The following ST8SIA1 variants were observed in gnomAD, a reference collection of about 807,000 sequenced individuals.
The protein encoded by ST8SIA1 is ST8 alpha-N-acetyl-neuraminide alpha-2,8-sialyltransferase 1, also known as alpha-N-acetylneuraminide alpha-2,8-sialyltransferase.
In ST8SIA1, 16 loss-of-function variants were observed where a neutral mutation model predicts 35.9. The ratio of observed to expected loss-of-function variants is 0.45; its 90% CI spans 0.30 to 0.68. The LOEUF is 0.68. Ranked by LOEUF, ST8SIA1 falls within the 30% of genes least tolerant of loss-of-function variation. ST8SIA1 has a pLI of 0.09. For synonymous variants in ST8SIA1, 170 were observed against 169.6 expected (o/e 1.00, Z -0.02); for missense variants, 383 against 453.6 (o/e 0.84, Z 1.41).
chr12:22,294,372 T>G (rs1250275488), intron 1 of ST8SIA1, among the ~76,000 whole-genome samples: 2 of 152,286 alleles, frequency 1.3e-5, no homozygotes, highest in South Asian at 4.1e-4. Flanking sequence ...AAATACACAC[T>G]CCATATAGAG....
Position 22,249,502 on chromosome 12 carries a change from G to C in ST8SIA1, c.492-404C>G, listed in dbSNP as rs564374301. On this transcript the variant is annotated intron_variant, in intron 3 of 4. Coordinates refer to ENST00000396037, the MANE Select transcript of ST8SIA1 (RefSeq NM_003034.4). Reference sequence around the variant, plus strand: ...CCCAAAGTACTGGGATTACAGGCGTGAGCCACTGCACCCAGCCAGTAACTG... The same window carrying C: ...CCCAAAGTACTGGGATTACAGGCGTCAGCCACTGCACCCAGCCAGTAACTG... Among the ~76,000 whole-genome samples, 14 of 152,260 alleles carry C rather than the reference G, an allele frequency of 9.2e-5. No homozygotes were observed. The South Asian group carries it at 2.9e-3, about 32-fold the overall frequency.
chr12:22,201,521 C>T lies in ST8SIA1; in HGVS notation c.*31G>A. 1 of 1,557,456 alleles carries T rather than the reference C, an allele frequency of 6.4e-7. No individual in the cohort carries two copies. The highest frequency in any genetic ancestry group is 8.7e-7 in the Non-Finnish European group (1 of 1,155,644). ...CACATAGAAAACCTAACAAAAATAC[C>T]CTGGTTCAGTCCTTTCTTCTTCCAT... On this transcript the variant is annotated 3_prime_UTR_variant, in exon 5 of 5. Coordinates refer to ENST00000396037, the MANE Select transcript of ST8SIA1 (RefSeq NM_003034.4).
rs1591858819 is a variant in ST8SIA1, at chr12:22,325,243, C to T, written c.236+8754G>A. ...ATGTTTATTTTATCAATAATGGAAA[C>T]AAACTAAAGATTTTGCATCCCAGGC... On this transcript the variant is annotated intron_variant, in intron 1 of 4. Transcript: ENST00000396037. 9.2e-6 allele frequency: 5 copies of T among 542,746 alleles called. No homozygotes were observed. In the East Asian group the frequency reaches 1.5e-4, roughly 16 times the overall value. 33.6% of individuals were successfully genotyped at this position (542,746 alleles called of 1,614,324 possible).
intron 4 of ST8SIA1, among the ~76,000 whole-genome samples, chr12:22,228,905 T>G (rs1865385540): frequency 6.6e-6 from 1 of 151,748 alleles, no homozygotes; most frequent in South Asian, 2.1e-4. Context: ...AATACAAAAA[T>G]TAGCTGGGCA....
chr12:22,289,288 G>GTTA (rs895274780), intron 1 of ST8SIA1, among the ~76,000 whole-genome samples: 22 of 134,004 alleles, frequency 1.6e-4, no homozygotes, highest in African/African-American at 6.3e-4. Flanking sequence ...TAAGGGTATG[G>GTTA]TTATTATTAT....
intron 2 of ST8SIA1, among the ~76,000 whole-genome samples, chr12:22,274,159 T>C (rs1165828869): frequency 6.6e-6 from 1 of 152,176 alleles, no homozygotes; most frequent in African/African-American, 2.4e-5. Flanking sequence ...AGAAGCAACA[T>C]TGTGGAAATT....
chr12:22,248,361 T>C (rs1865628246), intron 4 of ST8SIA1, among the ~76,000 whole-genome samples: 1 of 152,108 alleles, frequency 6.6e-6, no homozygotes, highest in African/African-American at 2.4e-5. Context: ...AAACAGCTGA[T>C]AGCTCGCTGA....
At chr12:22,261,150 ATTTG>A (rs1194664633) in intron 2 of ST8SIA1, among the ~76,000 whole-genome samples, 2 of 147,444 alleles carry the variant, frequency 1.4e-5, no homozygotes, top group Admixed American at 6.7e-5. Context: ...TTGAGGGTGT[ATTTG>A]TTTGTTTTGA....
At chr12:22,268,257 T>C (rs1359893296) in intron 2 of ST8SIA1, among the ~76,000 whole-genome samples, 1 of 152,010 alleles carries the variant, frequency 6.6e-6, no homozygotes, top group Non-Finnish European at 1.5e-5. Context: ...GACAGAAAGG[T>C]TAAGGAAATT....
chr12:22,325,623 T>C (rs1866665482), intron 1 of ST8SIA1: 4 of 623,950 alleles, frequency 6.4e-6, no homozygotes, highest in Admixed American at 2.7e-5. Context: ...GAGGATACAT[T>C]CCAAGACCCC....
At chr12:22,223,000 G>A (rs976383684) in intron 4 of ST8SIA1, among the ~76,000 whole-genome samples, 2 of 152,056 alleles carry the variant, frequency 1.3e-5, no homozygotes, top group African/African-American at 4.8e-5. Context: ...CTAAAACAGC[G>A]AAAGAAACAG....
intron 4 of ST8SIA1, among the ~76,000 whole-genome samples, chr12:22,215,677 T>C (rs1040690853): frequency 1.3e-5 from 2 of 152,208 alleles, no homozygotes; most frequent in Non-Finnish European, 2.9e-5. Flanking sequence ...CATGAAAAGA[T>C]TGCACAACCA....
At chr12:22,264,889 T>C (rs980590466) in intron 2 of ST8SIA1, among the ~76,000 whole-genome samples, 2 of 152,252 alleles carry the variant, frequency 1.3e-5, no homozygotes, top group Non-Finnish European at 2.9e-5. Flanking sequence ...CTACACAGGA[T>C]GCTTCTTTGG....
rs1396492067 is a variant in ST8SIA1, at chr12:22,280,976, G to A, written c.381+6173C>T. On this transcript the variant is annotated intron_variant, in intron 2 of 4. Transcript: ENST00000396037. The stretch of plus-strand genomic sequence containing the variant: ...TGAAACAAAGACTGTAACATTCTCT[G>A]TTACTACTTTATGTTTCCCGAAATC... 1.3e-5 allele frequency among the ~76,000 whole-genome samples: 2 copies of A among 152,122 alleles called. 1 individual carries two copies. The highest frequency in any genetic ancestry group is 3.8e-4 in the East Asian group (2 of 5,204).
rs935187129 is a variant in ST8SIA1 at position 22,286,610 on chromosome 12, A to T, written c.381+539T>A. On this transcript the variant is annotated intron_variant, in intron 2 of 4. Transcript: ENST00000396037. ...TTTTATTTCAATGCCCAGAAAACCA[A>T]GAATAAATATTAAGTAAGCAAAGCT... The T allele has an allele frequency of 6.5e-5, 31 of 473,982 alleles. 1 individual carries two copies. Among genetic ancestry groups the T allele is most frequent in the South Asian group, 3.2e-4 (20 of 62,054 alleles). The allele number at this position is 473,982 out of a possible 1,614,324, so 29.4% of individuals were successfully genotyped here. A position where few individuals can be genotyped will look rare whatever the true frequency, so the allele number is the denominator to read the frequency against.
At chr12:22,257,186 T>C (rs990506674) in intron 2 of ST8SIA1, among the ~76,000 whole-genome samples, 5 of 152,062 alleles carry the variant, frequency 3.3e-5, no homozygotes, top group African/African-American at 4.8e-5. Context: ...GATTAGGAGA[T>C]GCTTTCAGAG....
intron 1 of ST8SIA1, among the ~76,000 whole-genome samples, chr12:22,306,415 G>C (rs1866383752): frequency 6.6e-6 from 1 of 152,036 alleles, no homozygotes; most frequent in Non-Finnish European, 1.5e-5. Flanking sequence ...TCTTTCTTGA[G>C]AAAGGGTACA....
chr12:22,318,372 G>A (rs1482165994), intron 1 of ST8SIA1, among the ~76,000 whole-genome samples: 2 of 152,218 alleles, frequency 1.3e-5, no homozygotes, highest in Non-Finnish European at 2.9e-5. Context: ...ACAGGCCATA[G>A]TCTCCCTTAC....
chr12:22,282,582 A>G (rs1866050413), intron 2 of ST8SIA1, among the ~76,000 whole-genome samples: 1 of 152,144 alleles, frequency 6.6e-6, no homozygotes, highest in Non-Finnish European at 1.5e-5. Flanking sequence ...AGGAGGTTTG[A>G]GTAGGAAGAC....
Sources: gnomAD v4.1 joint callset for allele counts (sites outside exome capture counted in the v4.1 genomes callset) on GRCh38, gnomAD v4.1.1 for gene constraint, MANE v1.5 for transcripts, NCBI Gene and HGNC (gene_info 2026-07-23, HGNC 2026-07-21) for gene names.